RCAN2: variants seen among roughly 807,000 people sequenced by gnomAD.
RCAN2 encodes calcipressin-2.
Under a neutral mutation model 23.6 loss-of-function variants are expected in RCAN2, and 9 were observed. The ratio of observed to expected loss-of-function variants is 0.38; its 90% confidence interval spans 0.23 to 0.67. The LOEUF (loss-of-function observed/expected upper bound fraction) is 0.67, where lower values mean the gene tolerates loss of function less well. Ranked by LOEUF, RCAN2 falls within the 30% of genes least tolerant of loss-of-function variation. The pLI is 0.51. For synonymous variants in RCAN2, 109 were observed against 115.7 expected, an observed-to-expected ratio of 0.94 and a Z score of 0.37; for missense variants, 273 against 302.3, an observed-to-expected ratio of 0.90 and a Z score of 0.72.
intron 2 of RCAN2, among the ~76,000 whole-genome samples, chr6:46,290,905 T>G (rs1357022265): frequency 6.6e-6 from 1 of 152,188 alleles, no homozygotes; most frequent in Non-Finnish European, 1.5e-5. Context: ...TAATTGAAAC[T>G]CATGGGAAAT....
At chr6:46,289,946 G>C (rs74435342) in intron 2 of RCAN2, among the ~76,000 whole-genome samples, 4,559 of 152,270 alleles carry the variant, frequency 0.03, 204 homozygotes, top group African/African-American at 0.1. Flanking sequence ...CCTTGTTAAA[G>C]ATTGTCCTCT....
At chr6:46,230,705 C>A (rs879539907) in intron 4 of RCAN2, among the ~76,000 whole-genome samples, 3 of 152,174 alleles carry the variant, frequency 2.0e-5, no homozygotes, top group Non-Finnish European at 4.4e-5. Context: ...AAAGGGAATT[C>A]CCCAACCCCT....
chr6:46,434,654 T>C (rs1767317326), intron 2 of RCAN2, among the ~76,000 whole-genome samples: 1 of 152,182 alleles, frequency 6.6e-6, no homozygotes, highest in South Asian at 2.1e-4. Flanking sequence ...AGGAGATTCT[T>C]ATCCTAAGAT....
chr6:46,301,934 C>G (rs980785377), intron 2 of RCAN2, among the ~76,000 whole-genome samples: 3 of 152,034 alleles, frequency 2.0e-5, no homozygotes, highest in African/African-American at 7.2e-5. Flanking sequence ...CAACAGGGAG[C>G]CACTGGAAGG....
At chr6:46,431,395 A>C (rs1237090220) in intron 2 of RCAN2, among the ~76,000 whole-genome samples, 1 of 152,048 alleles carries the variant, frequency 6.6e-6, no homozygotes, top group African/African-American at 2.4e-5. Context: ...ATGCTAATGA[A>C]AACCTCTAGA....
At chr6:46,413,572 G>T (rs1304573208) in intron 2 of RCAN2, among the ~76,000 whole-genome samples, 3 of 152,108 alleles carry the variant, frequency 2.0e-5, no homozygotes, top group African/African-American at 4.8e-5. Flanking sequence ...AAGAATTTTT[G>T]GGTTAAAATA....
At chr6:46,386,116 A>T (rs1019293322) in intron 2 of RCAN2, among the ~76,000 whole-genome samples, 2 of 152,120 alleles carry the variant, frequency 1.3e-5, no homozygotes, top group Non-Finnish European at 2.9e-5. Flanking sequence ...TTTGCAATCT[A>T]CCCTTCTGAC....
intron 2 of RCAN2, 78 bp downstream of exon 2, chr6:46,456,674 A>G: frequency 1.8e-6 from 2 of 1,131,838 alleles, no homozygotes; most frequent in Non-Finnish European, 2.6e-6. Flanking sequence ...CAAAACACCA[A>G]CCACAAATGA....
In RCAN2 at chr6:46,238,635, C is replaced by G. The variant is rs184634020; in HGVS notation, c.571+8113G>C. Among the ~76,000 whole-genome samples, 7 of 152,288 alleles carry G rather than the reference C, an allele frequency of 4.6e-5. No individual in the cohort carries two copies. The East Asian group carries it at 1.3e-3, about 29-fold the overall frequency. On this transcript the variant is annotated intron_variant, in intron 4 of 4. Transcript: ENST00000371374. ...GGGGCAGGATCACAGCTCACTGCAG[C>G]TTTGACCTCTTGGCTCAAGTGATCC... is the stretch of plus-strand genomic sequence containing the variant.
At chr6:46,269,653 G>A (rs1286256198) in intron 2 of RCAN2, among the ~76,000 whole-genome samples, 11 of 152,194 alleles carry the variant, frequency 7.2e-5, no homozygotes, top group Admixed American at 7.2e-4. Flanking sequence ...CTGCAGCTGT[G>A]CAGATACAGG....
intron 4 of RCAN2, among the ~76,000 whole-genome samples, chr6:46,242,166 A>C (rs1766329013): frequency 6.6e-6 from 1 of 152,208 alleles, no homozygotes; most frequent in South Asian, 2.1e-4. Flanking sequence ...TTTGGGTCTG[A>C]TCATGGTTCC....
intron 1 of RCAN2, among the ~76,000 whole-genome samples, chr6:46,477,404 A>G (rs1202705025): frequency 6.6e-6 from 1 of 152,200 alleles, no homozygotes; most frequent in African/African-American, 2.4e-5. Flanking sequence ...AAATTGTATA[A>G]AAACCACAGA....
intron 2 of RCAN2, among the ~76,000 whole-genome samples, chr6:46,365,435 C>G (rs1429023017): frequency 6.6e-6 from 1 of 151,220 alleles, no homozygotes; most frequent in Admixed American, 6.6e-5. Context: ...GAGATCATGC[C>G]ATTGCACACT....
intron 2 of RCAN2, among the ~76,000 whole-genome samples, chr6:46,367,022 G>GATATATAT (rs60245042): frequency 0.017 from 1,028 of 59,602 alleles, 91 homozygotes; most frequent in East Asian, 0.041. Flanking sequence ...ATCTGGGATG[G>GATATATAT]ATATATATAT....
chr6:46,386,863 C>G (rs1221737508), intron 2 of RCAN2, among the ~76,000 whole-genome samples: 1 of 152,002 alleles, frequency 6.6e-6, no homozygotes, highest in African/African-American at 2.4e-5. Context: ...ACTACAAGGC[C>G]ACAGTAACCA....
chr6:46,483,255 G>A (rs1318732188), intron 1 of RCAN2, among the ~76,000 whole-genome samples: 2 of 152,166 alleles, frequency 1.3e-5, no homozygotes, highest in South Asian at 2.1e-4. Context: ...CTCGATGAAG[G>A]TAATTTAGAT....
intron 1 of RCAN2, among the ~76,000 whole-genome samples, chr6:46,474,830 GA>G (rs1554144186): frequency 2.0e-5 from 3 of 152,200 alleles, no homozygotes. Context: ...GAGTAGCTGG[GA>G]AAGAAACATA....
intron 2 of RCAN2, among the ~76,000 whole-genome samples, chr6:46,445,457 G>T (rs1767678684): frequency 6.6e-6 from 1 of 152,130 alleles, no homozygotes; most frequent in Non-Finnish European, 1.5e-5. Flanking sequence ...CCCAGACAAA[G>T]CCAGTCCAAA....
intron 1 of RCAN2, among the ~76,000 whole-genome samples, chr6:46,459,323 ATAAAACAC>A (rs1768145486): frequency 6.6e-6 from 1 of 152,262 alleles, no homozygotes; most frequent in Non-Finnish European, 1.5e-5. Flanking sequence ...TCAAAACATT[ATAAAACAC>A]TCTTAGATGT....
Sources: gnomAD v4.1 joint callset for allele counts (sites outside exome capture counted in the v4.1 genomes callset) on GRCh38, gnomAD v4.1.1 for gene constraint, MANE v1.5 for transcripts, NCBI Gene and HGNC (gene_info 2026-07-23, HGNC 2026-07-21) for gene names.